Variants in UNC45A observed in about 807,000 individuals in gnomAD.
UNC45A encodes the protein unc-45 myosin chaperone A.
A neutral mutation model predicts 103.2 loss-of-function variants in UNC45A; 78 were observed. The ratio of observed to expected loss-of-function variants is 0.76; its 90% confidence interval spans 0.63 to 0.91. UNC45A has a LOEUF of 0.91. Among genes scored for constraint, UNC45A ranks in the 40% least tolerant of loss-of-function variants. The pLI is 0.00. For missense variants in UNC45A, 1,193 were observed against 1,224.8 expected, an observed-to-expected ratio of 0.97 and a Z score of 0.39; for synonymous variants, 495 against 504.6, an observed-to-expected ratio of 0.98 and a Z score of 0.25.
At chr15:90,931,245 G>C (rs560935984), upstream of UNC45A, 1 of 1,550,384 alleles carries the variant, frequency 6.5e-7, no homozygotes, top group East Asian at 2.4e-5. Flanking sequence ...CGAGGCTGGA[G>C]TTGTGCCTCT....
rs763303840 is a variant in UNC45A, at chr15:90,946,786, G to A, written c.1372G>A (p.Val458Met). The A allele has an allele frequency of 1.2e-5, 19 of 1,614,132 alleles. No individual in the cohort carries two copies. Among genetic ancestry groups the A allele is most frequent in the East Asian group, 4.5e-5 (2 of 44,904 alleles). ...SEQEEEQLVA[V>M]EALIHAAGKA... Reference sequence around the variant, plus strand: ...GCAGGAGGAGGAGCAGCTGGTGGCCGTGGAGGCTCTGATCCATGCAGCCGG... The same window carrying A: ...GCAGGAGGAGGAGCAGCTGGTGGCCATGGAGGCTCTGATCCATGCAGCCGG... Residue 458 changes from valine to methionine, a missense_variant, in exon 10 of 20, where the codon GTG becomes ATG. Transcript: ENST00000418476.
At chr15:90,950,348 C>A in intron 16 of UNC45A, 81 bp downstream of exon 16, 7 of 1,500,344 alleles carry the variant, frequency 4.7e-6, no homozygotes, top group Non-Finnish European at 6.3e-6. Context: ...CCCTTTGGGA[C>A]CAGCAGGAAG....
At chr15:90,950,790 G>T (rs2036865665) in intron 17 of UNC45A, among the ~76,000 whole-genome samples, 175 bp downstream of exon 17, 1 of 152,252 alleles carries the variant, frequency 6.6e-6, no homozygotes, top group African/African-American at 2.4e-5. Context: ...CGGCACGGCA[G>T]ACTCTAGAGT....
chr15:90,947,717 G>A, intron 10 of UNC45A, 79 bp from the exon 11 acceptor site: 1 of 1,023,416 alleles, frequency 9.8e-7, no homozygotes. Context: ...TGCCAGGGAG[G>A]GAGTCCAAGC....
chr15:90,944,456 A>G (rs1378198396), intron 8 of UNC45A, among the ~76,000 whole-genome samples: 1 of 151,828 alleles, frequency 6.6e-6, no homozygotes, highest in Non-Finnish European at 1.5e-5. Flanking sequence ...CAATGGTCCT[A>G]TGAGGTGTGG....
At chr15:90,935,107 G>T (rs984445457), upstream of UNC45A, 25 of 597,914 alleles carry the variant, frequency 4.2e-5, no homozygotes, top group Middle Eastern at 2.2e-3. Context: ...GCAGGTCTCT[G>T]CGGGGACAGC....
chr15:90,942,311 C>T, intron 6 of UNC45A, 126 bp from the exon 7 acceptor site: 1 of 1,124,242 alleles, frequency 8.9e-7, no homozygotes, highest in East Asian at 2.4e-5. Flanking sequence ...GTGTTGTTTT[C>T]ACCTGGAGCT....
At chr15:90,931,721 T>C (rs372856910), upstream of UNC45A, 87 of 1,613,988 alleles carry the variant, frequency 5.4e-5, no homozygotes, top group Non-Finnish European at 7.3e-5. Flanking sequence ...GGTGCAGCGA[T>C]TCAGGTCCCT....
intron 8 of UNC45A, among the ~76,000 whole-genome samples, chr15:90,943,558 TACA>T (rs938412357): frequency 1.3e-5 from 2 of 152,176 alleles, no homozygotes; most frequent in African/African-American, 4.8e-5. Context: ...ATTCAGCTCT[TACA>T]ACACCTTCTA....
intron 4 of UNC45A, among the ~76,000 whole-genome samples, chr15:90,938,014 C>G (rs2036107781): frequency 6.6e-6 from 1 of 152,080 alleles, no homozygotes; most frequent in Non-Finnish European, 1.5e-5. Flanking sequence ...GGTGGCTGGT[C>G]TTGAACTCCT....
At chr15:90,949,631 C>A (rs981099853) in intron 14 of UNC45A, 23 bp from the exon 15 acceptor site, 1 of 1,613,596 alleles carries the variant, frequency 6.2e-7, no homozygotes, top group African/African-American at 1.3e-5. Flanking sequence ...AGCTGCCTGC[C>A]CACCACCGCC....
chr15:90,942,513 T>TG lies in UNC45A; in HGVS notation c.766dup (p.Ala256GlyfsTer11), dbSNP rs766346918. The stretch of plus-strand genomic sequence containing the variant: ...GGCGTGGAAAGCCAGGCTGTGTCCC[T>TG]GGCTGCCTGCCACCTGCTGCAGGTT... On this transcript the variant is annotated frameshift_variant, in exon 7 of 20. Coordinates refer to ENST00000418476, the MANE Select transcript of UNC45A (RefSeq NM_018671.5). LOFTEE classifies it high-confidence loss of function. The TG allele has an allele frequency of 1.2e-6, 2 of 1,614,078 alleles. No individual in the cohort carries two copies. Among genetic ancestry groups the TG allele is most frequent in the Non-Finnish European group, 8.5e-7 (1 of 1,180,044 alleles).
In UNC45A at chr15:90,942,523, C is replaced by T. The variant is rs148133490; in HGVS notation, c.774C>T (p.Cys258=). Residue 258 remains cysteine, a synonymous_variant, in exon 7 of 20, where the codon TGC becomes TGT. Transcript: ENST00000418476. ...GCCAGGCTGTGTCCCTGGCTGCCTG[C>T]CACCTGCTGCAGGTTATGTTTGATG... is the stretch of plus-strand genomic sequence containing the variant. ...VESQAVSLAA[C]HLLQVMFDAL... 8.9e-4 allele frequency: 1,434 copies of T among 1,614,096 alleles called. 3 individuals carry two copies. Among genetic ancestry groups the T allele is most frequent in the Non-Finnish European group, 1.1e-3 (1,348 of 1,180,050 alleles).
At chr15:90,934,327 C>G, upstream of UNC45A, 1 of 399,256 alleles carries the variant, frequency 2.5e-6, no homozygotes, top group Non-Finnish European at 4.4e-6. Context: ...GCACCCCCAC[C>G]TCTCTCTTCA....
At position 90,945,008 on chromosome 15, in the gene UNC45A, C is replaced by T. The variant is rs1330880422; in HGVS notation, c.1144C>T (p.Leu382Phe). 5 of 1,613,150 alleles carry T rather than the reference C, an allele frequency of 3.1e-6. No homozygotes were observed. The South Asian group carries it at 5.5e-5, about 18-fold the overall frequency. Residue 382 changes from leucine to phenylalanine, a missense_variant, in exon 9 of 20, where the codon CTC becomes TTC. Leu to Phe is a conservative substitution (Grantham distance 22). Coordinates refer to ENST00000418476, the MANE Select transcript of UNC45A (RefSeq NM_018671.5). The stretch of plus-strand genomic sequence containing the variant: ...TCTCCTCAGCAAGCTCTTTGATGAC[C>T]TCAAGTGTGATGCGGAGAGGGAGAA... ...SILLSKLFDDLKCDAERENFH... is the reference protein window; with the variant it reads ...SILLSKLFDDFKCDAERENFH...
chr15:90,946,876 T>C lies in UNC45A; in HGVS notation c.1462T>C (p.Cys488Arg). The change falls in exon 10 of 20, where the codon TGC becomes CGC. Residue 488 changes from cysteine (C) to arginine (R), a missense_variant. Transcript: ENST00000418476. ...GVSLLKDLYK[C>R]SEKDSIRIRA... ...CTCGCTGCTGAAGGACCTATATAAG[T>C]GCAGCGAGAAGGACAGCATCCGCAT... 1 of 1,449,196 alleles carries C rather than the reference T, an allele frequency of 6.9e-7. No individual in the cohort carries two copies. The highest frequency in any genetic ancestry group is 9.3e-7 in the Non-Finnish European group (1 of 1,078,404). 89.8% of individuals were successfully genotyped at this position (1,449,196 alleles called of 1,614,324 possible).
chr15:90,950,095 C>G (rs1026664206), intron 15 of UNC45A, 59 bp from the exon 16 acceptor site: 1 of 1,507,484 alleles, frequency 6.6e-7, no homozygotes, highest in Admixed American at 2.0e-5. Context: ...CTGGGGAGCC[C>G]GATGGTCGGG....
chr15:90,946,124 G>C (rs1368653063), intron 9 of UNC45A, among the ~76,000 whole-genome samples: 1 of 150,904 alleles, frequency 6.6e-6, no homozygotes, highest in Admixed American at 6.6e-5. Context: ...TGTGGTGGTG[G>C]GTGCCTGTAA....
chr15:90,931,773 C>T (rs137864548), upstream of UNC45A: 117 of 1,614,122 alleles, frequency 7.2e-5, no homozygotes, highest in African/African-American at 1.4e-3. Context: ...AGTTTGGCCC[C>T]GGGGCTACTG....
Sources: allele counts gnomAD v4.1 joint callset (sites outside exome capture counted in the v4.1 genomes callset), GRCh38; gene constraint gnomAD v4.1.1; transcripts MANE v1.5; gene names NCBI Gene and HGNC (gene_info 2026-07-23, HGNC 2026-07-21).